NPHP3: variants seen among roughly 807,000 people sequenced by gnomAD.
NPHP3 encodes nephrocystin-3.
Under a neutral mutation model 171.9 loss-of-function variants are expected in NPHP3, and 123 were observed. The observed-to-expected ratio is 0.72, with a 90% CI of 0.62 to 0.83. The LOEUF (loss-of-function observed/expected upper bound fraction) is 0.83, where lower values mean the gene tolerates loss of function less well. Ranked by LOEUF, NPHP3 falls within the 40% of genes least tolerant of loss-of-function variation. NPHP3 has a pLI of 0.00. For missense variants in NPHP3, 1,506 were observed against 1,591.9 expected, an observed-to-expected ratio of 0.95 and a Z score of 0.92; for synonymous variants, 558 against 579.2, an observed-to-expected ratio of 0.96 and a Z score of 0.52.
At position 132,683,415 on chromosome 3, in the gene NPHP3, AC is replaced by A; in HGVS notation, c.3679del (p.Val1227PhefsTer6). 1.2e-6 allele frequency: 2 copies of A among 1,613,246 alleles called. No individual in the cohort carries two copies. The highest frequency in any genetic ancestry group is 1.7e-6 in the Non-Finnish European group (2 of 1,179,378). ...SVATALVNLA[V>X]LYSQMKKHVE... Reference sequence around the variant, plus strand: ...GGAACTTACCATTTGGCTATAAAGAACAGCTAAGTTCACCAAGGCAGTAGCT... The same window carrying A: ...GGAACTTACCATTTGGCTATAAAGAAAGCTAAGTTCACCAAGGCAGTAGCT... On this transcript the variant is annotated frameshift_variant, in exon 25 of 27. Transcript: ENST00000337331. LOFTEE classifies it high-confidence loss of function.
intron 3 of NPHP3, chr3:132,717,363 T>C (rs1008487377): frequency 1.2e-5 from 2 of 167,480 alleles, no homozygotes; most frequent in Non-Finnish European, 2.6e-5. Context: ...TACCTCCTTC[T>C]CAACCTCCTA....
chr3:132,699,855 A>T, intron 12 of NPHP3, 63 bp downstream of exon 12: 2 of 1,521,078 alleles, frequency 1.3e-6, no homozygotes, highest in Non-Finnish European at 1.8e-6. Flanking sequence ...TGCCTGCTCT[A>T]GCTATTACTG....
chr3:132,702,443 T>C (rs967096562), intron 9 of NPHP3, among the ~76,000 whole-genome samples: 3 of 151,992 alleles, frequency 2.0e-5, no homozygotes, highest in African/African-American at 4.8e-5. Context: ...ATTTCCCAAG[T>C]TTTCCCCAGA....
intron 3 of NPHP3, chr3:132,717,258 T>C: frequency 4.4e-6 from 1 of 226,278 alleles, no homozygotes; most frequent in Admixed American, 5.3e-5. Flanking sequence ...AGTTAAAATC[T>C]GAAGGAAAAA....
At chr3:132,682,606 A>G in intron 26 of NPHP3, 97 bp downstream of exon 26, 1 of 787,256 alleles carries the variant, frequency 1.3e-6, no homozygotes. Flanking sequence ...TCCCCACTCT[A>G]AGAAAAAACA....
In NPHP3 at chr3:132,719,692, G is replaced by T. The variant is rs1354399667; in HGVS notation, c.519+13C>A. On this transcript the variant is annotated intron_variant, in intron 2 of 26. Coordinates refer to ENST00000337331, the MANE Select transcript of NPHP3 (RefSeq NM_153240.5). ...TCTATGTTGCTTTGGGGGTAAAAAT[G>T]TAAGGAATTTACCTTGAATTGCCTT... is the stretch of plus-strand genomic sequence containing the variant. The T allele has an allele frequency of 6.5e-7, 1 of 1,532,710 alleles. No individual in the cohort carries two copies. The highest frequency in any genetic ancestry group is 1.9e-5 in the Admixed American group (1 of 53,806). The allele number at this position is 1,532,710 out of a possible 1,614,324, so 94.9% of individuals were successfully genotyped here. A position where few individuals can be genotyped will look rare whatever the true frequency, so the allele number is the denominator to read the frequency against.
In NPHP3 at chr3:132,708,251, TA is replaced by T; in HGVS notation, c.1124del (p.Leu375TyrfsTer10). The T allele has an allele frequency of 6.2e-7, 1 of 1,613,976 alleles. No individual in the cohort carries two copies. The highest frequency in any genetic ancestry group is 2.2e-5 in the East Asian group (1 of 44,874). On this transcript the variant is annotated frameshift_variant, in exon 7 of 27. Coordinates refer to ENST00000337331, the MANE Select transcript of NPHP3 (RefSeq NM_153240.5). LOFTEE classifies it high-confidence loss of function. ...GAAAAGCTTCTTCACAGTCTTCCAATAAAAGGCTAGATTGGAAATCAGCATT... is the reference window on the plus strand; with the variant it reads ...GAAAAGCTTCTTCACAGTCTTCCAATAAAGGCTAGATTGGAAATCAGCATT... ...LFIHLTLPSL[L>X]LEDCEEAFLK...
rs1939050982 is a variant in NPHP3, at chr3:132,682,270, A to G, written c.3813-180T>C. On this transcript the variant is annotated intron_variant, in intron 26 of 26. Transcript: ENST00000337331. The stretch of plus-strand genomic sequence containing the variant: ...CCAAACTCTTCTCCTTTCTACCAGT[A>G]TCAGTATTTTTGTGTCTCATATGGA... The G allele has an allele frequency of 1.1e-5, 7 of 628,630 alleles. No individual in the cohort carries two copies. The East Asian group carries it at 1.9e-4, about 17-fold the overall frequency. The allele number at this position is 628,630 out of a possible 1,614,324, so 38.9% of individuals were successfully genotyped here.
At chr3:132,701,383 A>T in intron 10 of NPHP3, 47 bp downstream of exon 10, 1 of 1,291,598 alleles carries the variant, frequency 7.7e-7, no homozygotes, top group Non-Finnish European at 1.1e-6. Flanking sequence ...GAATAGATTC[A>T]GTAATTCAAA....
intron 13 of NPHP3, among the ~76,000 whole-genome samples, chr3:132,698,838 G>T (rs755501487): frequency 3.9e-5 from 6 of 152,016 alleles, no homozygotes; most frequent in Non-Finnish European, 7.4e-5. Flanking sequence ...AGAAACTCCA[G>T]AATCATCCTG....
In NPHP3 at chr3:132,700,014, A is replaced by G. The variant is rs1269919387; in HGVS notation, c.1791T>C (p.Ala597=). The G allele has an allele frequency of 5.0e-6, 8 of 1,614,046 alleles. No homozygotes were observed. The highest frequency in any genetic ancestry group is 5.9e-6 in the Non-Finnish European group (7 of 1,180,010). Residue 597 remains alanine (A), a synonymous_variant, in exon 12 of 27, where the codon GCT becomes GCC. Transcript: ENST00000337331. ...WSVSALTLDP[A]KLLEEFPRWL... is the part of the protein sequence containing the mutation. ...AACGTGGAAATTCTTCCAGAAGCTT[A>G]GCAGGATCCAGTGTCAGAGCAGAGA...
At chr3:132,699,657 A>G (rs1001111750) in intron 12 of NPHP3, among the ~76,000 whole-genome samples, 2 of 152,198 alleles carry the variant, frequency 1.3e-5, no homozygotes, top group African/African-American at 4.8e-5. Flanking sequence ...ACGTCAGGAA[A>G]TGTCAAGGCC....
chr3:132,715,059 G>A, intron 5 of NPHP3, 26 bp downstream of exon 5: 1 of 1,585,774 alleles, frequency 6.3e-7, no homozygotes, highest in African/African-American at 1.3e-5. Context: ...TAAATTGGTT[G>A]ATACAGAATT....
At chr3:132,699,575 TG>T in intron 12 of NPHP3, 125 bp from the exon 13 acceptor site, 1 of 739,620 alleles carries the variant, frequency 1.4e-6, no homozygotes, top group East Asian at 2.7e-5. Flanking sequence ...AATCTTATTT[TG>T]GGGTGATTTA....
rs1167152173 is a variant in NPHP3 at position 132,690,444 on chromosome 3, A to C, written c.2693+84T>G. The C allele has an allele frequency of 3.0e-6, 4 of 1,353,012 alleles. No individual in the cohort carries two copies. The African/African-American group carries it at 5.8e-5, about 20-fold the overall frequency. The allele number at this position is 1,353,012 out of a possible 1,614,324, so 83.8% of individuals were successfully genotyped here. A position where few individuals can be genotyped will look rare whatever the true frequency, so the allele number is the denominator to read the frequency against. On this transcript the variant is annotated intron_variant, in intron 19 of 26. Coordinates refer to ENST00000337331, the MANE Select transcript of NPHP3 (RefSeq NM_153240.5). ...TTCAGATACTTAGACTAATTTTTAAATTAAAAATACCATTTTTTCTTTGTT... is the reference window on the plus strand; with the variant it reads ...TTCAGATACTTAGACTAATTTTTAACTTAAAAATACCATTTTTTCTTTGTT...
chr3:132,692,601 G>A, intron 17 of NPHP3, 53 bp downstream of exon 17: 7 of 1,520,190 alleles, frequency 4.6e-6, no homozygotes, highest in African/African-American at 1.4e-5. Flanking sequence ...GGGTGACAGA[G>A]AAGACCCTGT....
intron 16 of NPHP3, among the ~76,000 whole-genome samples, chr3:132,694,201 G>A (rs1490609556): frequency 6.6e-6 from 1 of 151,986 alleles, no homozygotes; most frequent in African/African-American, 2.4e-5. Flanking sequence ...ATGAGCAGAA[G>A]AGATGTATTA....
At chr3:132,720,718 G>A (rs560800219) in intron 1 of NPHP3, among the ~76,000 whole-genome samples, 2 of 152,160 alleles carry the variant, frequency 1.3e-5, no homozygotes, top group South Asian at 2.1e-4. Flanking sequence ...TTGAAGACAG[G>A]AGGCTTTTTT....
intron 19 of NPHP3, among the ~76,000 whole-genome samples, chr3:132,690,055 C>A (rs1037721109): frequency 6.6e-6 from 1 of 152,108 alleles, no homozygotes; most frequent in Non-Finnish European, 1.5e-5. Context: ...TCAAAAGAGA[C>A]AAACAGAATA....
Sources: allele counts gnomAD v4.1 joint callset (sites outside exome capture counted in the v4.1 genomes callset), GRCh38; gene constraint gnomAD v4.1.1; transcripts MANE v1.5; gene names NCBI Gene and HGNC (gene_info 2026-07-23, HGNC 2026-07-21).